HDX: variants seen among roughly 807,000 people sequenced by gnomAD.
HDX encodes highly divergent homeobox, also known as chromosome X open reading frame 43.
In HDX, 19 loss-of-function variants were observed where a neutral mutation model predicts 45.2. The observed-to-expected ratio is 0.42, with a 90% CI of 0.29 to 0.62. The LOEUF (loss-of-function observed/expected upper bound fraction) is 0.62, where lower values mean the gene tolerates loss of function less well. Ranked by LOEUF, HDX falls within the 20% of genes least tolerant of loss-of-function variation. The probability of loss-of-function intolerance (pLI) is 0.20; values close to 1 mark genes in which losing one functional copy is unlikely to be tolerated. For synonymous variants in HDX, 188 were observed against 172.8 expected (o/e 1.09, Z -0.69); for missense variants, 532 against 493.9 (o/e 1.08, Z -0.73).
intron 5 of HDX, among the ~76,000 whole-genome samples, chrX:84,379,139 T>A (rs1311181694): frequency 9.1e-6 from 1 of 109,906 alleles, no homozygotes; most frequent in Non-Finnish European, 1.9e-5. Context: ...ATTATACATA[T>A]GATCAAATTT....
At chrX:84,410,062 TAAA>T (rs1215257762) in intron 5 of HDX, among the ~76,000 whole-genome samples, 10,799 of 74,533 alleles carry the variant, frequency 0.14, 753 homozygotes, top group South Asian at 0.37. Context: ...CAAAAAAGAT[TAAA>T]AAAAAAAAAA....
At chrX:84,481,315 G>T (rs760619026) in intron 2 of HDX, among the ~76,000 whole-genome samples, 1 of 110,575 alleles carries the variant, frequency 9.0e-6, no homozygotes, top group African/African-American at 3.3e-5. Context: ...TTGTTTTTCC[G>T]TCTTCATTTT....
chrX:84,377,890 C>G (rs1432433817), intron 5 of HDX, among the ~76,000 whole-genome samples: 5 of 110,780 alleles, frequency 4.5e-5, no homozygotes, highest in Admixed American at 2.9e-4. Context: ...ATATCAATAT[C>G]CAAGTACAAA....
chrX:84,480,712 C>T (rs1378653088), intron 2 of HDX, among the ~76,000 whole-genome samples: 2 of 110,534 alleles, frequency 1.8e-5, no homozygotes, highest in Non-Finnish European at 3.8e-5. Context: ...TGGAATAAAC[C>T]TCACTTGGTA....
intron 2 of HDX, among the ~76,000 whole-genome samples, chrX:84,476,749 T>C (rs1462438906): frequency 9.0e-6 from 1 of 111,462 alleles, no homozygotes; most frequent in East Asian, 2.8e-4. Context: ...AATAAAGCTC[T>C]CTATTAAGGA....
chrX:84,462,705 T>A (rs1338296157), intron 4 of HDX, among the ~76,000 whole-genome samples: 2 of 110,869 alleles, frequency 1.8e-5, no homozygotes, highest in African/African-American at 6.6e-5. Flanking sequence ...TTTTAAAAAA[T>A]TGGCATCAAA....
chrX:84,361,642 AT>A (rs1240656355), intron 5 of HDX, 30 bp from the exon 6 acceptor site: 3 of 1,095,881 alleles, frequency 2.7e-6, no homozygotes, highest in Admixed American at 2.6e-5. Flanking sequence ...ATTGTTTTGA[AT>A]TTTAAAGTTT....
intron 5 of HDX, among the ~76,000 whole-genome samples, chrX:84,427,004 A>T (rs1318034089): frequency 9.0e-6 from 1 of 111,001 alleles, no homozygotes; most frequent in African/African-American, 3.3e-5. Flanking sequence ...GTACAACATC[A>T]TGCCTATAAT....
chrX:84,334,400 T>C (rs1355612168), intron 8 of HDX, among the ~76,000 whole-genome samples: 1 of 110,492 alleles, frequency 9.1e-6, no homozygotes, highest in Admixed American at 9.7e-5. Context: ...ATTTGTTTCC[T>C]TCACTGAAGA....
At chrX:84,488,324 A>AACACACACACACAC (rs200905875) in intron 1 of HDX, among the ~76,000 whole-genome samples, 192 bp from the exon 2 acceptor site, 1 of 94,846 alleles carries the variant, frequency 1.1e-5, no homozygotes, top group Non-Finnish European at 2.1e-5. Context: ...TAAAATCTAA[A>AACACACACACACAC]ACACACACAC....
chrX:84,461,538 C>A (rs963327511), intron 4 of HDX, among the ~76,000 whole-genome samples: 7 of 110,925 alleles, frequency 6.3e-5, no homozygotes, highest in African/African-American at 2.3e-4. Flanking sequence ...AAAAACAAAT[C>A]TAAGACCAGA....
chrX:84,374,183 T>C (rs1349843545), intron 5 of HDX, among the ~76,000 whole-genome samples: 5 of 110,982 alleles, frequency 4.5e-5, no homozygotes, highest in African/African-American at 1.6e-4. Flanking sequence ...AATAAAATAC[T>C]TAGGAATCAA....
At chrX:84,341,498 A>C (rs1313419170) in intron 7 of HDX, among the ~76,000 whole-genome samples, 1 of 110,488 alleles carries the variant, frequency 9.1e-6, no homozygotes, top group East Asian at 2.9e-4. Flanking sequence ...CTTAACATGC[A>C]TGGCCCTCTT....
chrX:84,356,916 C>G (rs1313763018), intron 6 of HDX, among the ~76,000 whole-genome samples: 1 of 110,991 alleles, frequency 9.0e-6, no homozygotes, highest in African/African-American at 3.3e-5. Context: ...CCACCGCGCC[C>G]GGCCCTCCTG....
intron 5 of HDX, among the ~76,000 whole-genome samples, chrX:84,366,993 A>G (rs1364160333): frequency 8.9e-6 from 1 of 112,206 alleles, no homozygotes; most frequent in Non-Finnish European, 1.9e-5. Flanking sequence ...GCCAAAATTG[A>G]CAAATGGGAT....
At chrX:84,359,490 A>C (rs1217640085) in intron 6 of HDX, among the ~76,000 whole-genome samples, 2 of 110,847 alleles carry the variant, frequency 1.8e-5, no homozygotes, top group South Asian at 3.8e-4. Flanking sequence ...ATGGCTTCCA[A>C]CTTCATCCAT....
chrX:84,417,495 G>A (rs1251980692), intron 5 of HDX, among the ~76,000 whole-genome samples: 1 of 112,149 alleles, frequency 8.9e-6, no homozygotes, highest in Non-Finnish European at 1.9e-5. Flanking sequence ...ACTGGGAGAG[G>A]GAAAGAGAAT....
At chrX:84,472,393 T>C (rs978859475) in intron 3 of HDX, among the ~76,000 whole-genome samples, 3 of 111,380 alleles carry the variant, frequency 2.7e-5, no homozygotes, top group Non-Finnish European at 3.8e-5. Context: ...ACAACCAACA[T>C]AGATGTCACA....
intron 5 of HDX, among the ~76,000 whole-genome samples, chrX:84,438,811 G>T (rs886932156): frequency 1.8e-5 from 2 of 111,316 alleles, no homozygotes; most frequent in Non-Finnish European, 3.8e-5. Context: ...TTGATTTTAT[G>T]ACCTTGCTAT....
Sources: allele counts gnomAD v4.1 joint callset (sites outside exome capture counted in the v4.1 genomes callset), GRCh38; gene constraint gnomAD v4.1.1; transcripts MANE v1.5; gene names NCBI Gene and HGNC (gene_info 2026-07-23, HGNC 2026-07-21).